The following PASD1 variants were observed in gnomAD, a reference collection of about 807,000 sequenced individuals.
PASD1 encodes circadian clock protein PASD1.
PASD1 carries 13 observed loss-of-function variants against 58.8 expected under a neutral mutation model. The observed-to-expected ratio is 0.22, with a 90% CI of 0.14 to 0.35. PASD1 has a LOEUF of 0.35. Among genes scored for constraint, PASD1 ranks in the 10% least tolerant of loss-of-function variants. The probability of loss-of-function intolerance (pLI) is 1.00; values close to 1 mark genes in which losing one functional copy is unlikely to be tolerated. For missense variants in PASD1, 734 were observed against 568.3 expected (o/e 1.29, Z -2.96); for synonymous variants, 236 against 216.7 (o/e 1.09, Z -0.78).
intron 11 of PASD1, among the ~76,000 whole-genome samples, chrX:151,668,009 C>A (rs2014407751): frequency 9.0e-6 from 1 of 111,079 alleles, no homozygotes; most frequent in Non-Finnish European, 1.9e-5. Flanking sequence ...CTTTCTCATA[C>A]CTGATTGCCC....
chrX:151,621,175 A>G (rs2013703397), intron 5 of PASD1, 146 bp downstream of exon 5: 1 of 410,447 alleles, frequency 2.4e-6, no homozygotes, highest in Non-Finnish European at 4.1e-6. Context: ...TACAAACTCT[A>G]TTTCTAGTGT....
In PASD1 at chrX:151,601,421, G is replaced by A. The variant is rs2013414094; in HGVS notation, c.-27-106G>A. ...TCTTTAAAAGAAGTAGACATTCCTT[G>A]AGGGAAAAGTGTTACACAATTGAGA... On this transcript the variant is annotated intron_variant, in intron 1 of 15. Coordinates refer to ENST00000370357, the MANE Select transcript of PASD1 (RefSeq NM_173493.3). The A allele has an allele frequency of 1.1e-4, 59 of 538,223 alleles. No individual in the cohort carries two copies. The South Asian group carries it at 2.2e-3, about 20-fold the overall frequency. 44.4% of individuals were successfully genotyped at this position (538,223 alleles called of 1,213,427 possible).
chrX:151,621,109 A>G, intron 5 of PASD1, 80 bp downstream of exon 5: 2 of 594,018 alleles, frequency 3.4e-6, no homozygotes, highest in Non-Finnish European at 5.3e-6. Context: ...ATTTCTAAAA[A>G]GATATTAGAG....
At chrX:151,634,744 T>C (rs968124495) in intron 8 of PASD1, among the ~76,000 whole-genome samples, 1 of 111,871 alleles carries the variant, frequency 8.9e-6, no homozygotes, top group Non-Finnish European at 1.9e-5. Flanking sequence ...GTACGACATA[T>C]CAAAAGATAG....
At chrX:151,624,117 A>C (rs1436494168) in intron 7 of PASD1, among the ~76,000 whole-genome samples, 1 of 111,943 alleles carries the variant, frequency 8.9e-6, no homozygotes, top group Non-Finnish European at 1.9e-5. Flanking sequence ...AAGAATACCT[A>C]AGTGAAAGAT....
intron 1 of PASD1, among the ~76,000 whole-genome samples, chrX:151,568,619 CTT>C (rs1318174505): frequency 3.6e-5 from 4 of 111,828 alleles, no homozygotes; most frequent in African/African-American, 6.5e-5. Context: ...CAAGATTTCT[CTT>C]TGTTTTTATT....
rs2014490380 is a variant in PASD1 at position 151,672,443 on chromosome X, G to A, written c.1698G>A (p.Gln566=). 8.3e-7 allele frequency: 1 copy of A among 1,211,932 alleles called. No individual in the cohort carries two copies. The highest frequency in any genetic ancestry group is 1.1e-6 in the Non-Finnish European group (1 of 895,599). ...CAGAGGAGGAGCAGCAGAAGCAGCA[G>A]CTGCAAGAGCAGCCACTGAAGCATA... ...KEPEEEQQKQ[Q]LQEQPLKHNV... The change falls in exon 14 of 16, where the codon CAG becomes CAA. Residue 566 remains glutamine, a synonymous_variant. Transcript: ENST00000370357.
chrX:151,670,179 C>T (rs994012351), intron 11 of PASD1, among the ~76,000 whole-genome samples: 3 of 111,875 alleles, frequency 2.7e-5, no homozygotes, highest in Admixed American at 9.5e-5. Flanking sequence ...CCAAACTCCA[C>T]GCTTCGTTTC....
intron 9 of PASD1, among the ~76,000 whole-genome samples, chrX:151,657,502 G>A (rs55819836): frequency 0.31 from 34,563 of 110,054 alleles, 4,756 homozygotes; most frequent in Middle Eastern, 0.47. Context: ...AGTTTGTTTG[G>A]TTGGTAGGTT....
In PASD1 at chrX:151,674,082, C is replaced by A. The variant is rs763065496; in HGVS notation, c.2071C>A (p.Arg691=). The A allele has an allele frequency of 2.5e-6, 3 of 1,211,750 alleles. No homozygotes were observed. The African/African-American group carries it at 5.2e-5, about 21-fold the overall frequency. The change falls in exon 15 of 16, where the codon CGG becomes AGG. Residue 691 remains arginine, a synonymous_variant. Transcript: ENST00000370357. ...CCTGGAGACCCCACAGGATTACATC[C>A]GGCTTTGGCAAGAGTTGTCTGATTC... ...STLETPQDYI[R]LWQELSDSLG...
intron 3 of PASD1, among the ~76,000 whole-genome samples, chrX:151,605,894 A>G (rs779901748): frequency 2.2e-4 from 25 of 112,006 alleles, no homozygotes; most frequent in Non-Finnish European, 3.9e-4. Context: ...CTCTCTCTCA[A>G]TTTTATTAGA....
intron 1 of PASD1, among the ~76,000 whole-genome samples, chrX:151,573,104 G>A (rs1449724797): frequency 1.4e-5 from 1 of 71,788 alleles, no homozygotes; most frequent in Non-Finnish European, 2.6e-5. Flanking sequence ...TGGGGGTGGG[G>A]GCTGGGGGTG....
intron 1 of PASD1, among the ~76,000 whole-genome samples, chrX:151,567,866 C>A (rs1183308335): frequency 1.8e-5 from 2 of 111,304 alleles, no homozygotes; most frequent in East Asian, 2.8e-4. Context: ...GGACCACAGG[C>A]ATATGTCACT....
At chrX:151,671,266 G>A (rs1240430266) in intron 12 of PASD1, 70 bp downstream of exon 12, 2 of 1,126,589 alleles carry the variant, frequency 1.8e-6, no homozygotes, top group African/African-American at 3.6e-5. Context: ...GAGGAGAGAG[G>A]GACCTTGGCA....
intron 11 of PASD1, among the ~76,000 whole-genome samples, chrX:151,667,585 A>T (rs1177081715): frequency 2.7e-5 from 3 of 112,264 alleles, no homozygotes; most frequent in Non-Finnish European, 5.6e-5. Context: ...ATCCAGTTTC[A>T]GCTTTCTACA....
At chrX:151,667,196 T>A (rs1390778303) in intron 11 of PASD1, among the ~76,000 whole-genome samples, 3 of 112,339 alleles carry the variant, frequency 2.7e-5, no homozygotes, top group Non-Finnish European at 3.7e-5. Flanking sequence ...TTGAGAAGTG[T>A]CTGTTCATAT....
intron 9 of PASD1, among the ~76,000 whole-genome samples, chrX:151,655,122 T>C (rs1426835320): frequency 1.8e-5 from 2 of 111,580 alleles, no homozygotes; most frequent in African/African-American, 6.5e-5. Flanking sequence ...TTTGTCCTTG[T>C]GATAGTTTGC....
At position 151,565,296 on chromosome X, in the gene PASD1, G is replaced by A. The variant is rs947572663; in HGVS notation, c.-28+1457G>A. On this transcript the variant is annotated intron_variant, in intron 1 of 15. Transcript: ENST00000370357. ...TAAAGAGAATGGGCAGAAAGCATTG[G>A]ACTCATGACTTTGAAAGTATTCAGG... Among the ~76,000 whole-genome samples the A allele has an allele frequency of 2.7e-5, 3 of 112,162 alleles. No homozygotes were observed. The Admixed American group carries it at 2.8e-4, about 11-fold the overall frequency.
intron 8 of PASD1, among the ~76,000 whole-genome samples, chrX:151,639,182 C>A (rs2013968370): frequency 8.9e-6 from 1 of 112,566 alleles, no homozygotes; most frequent in Non-Finnish European, 1.9e-5. Flanking sequence ...GTGTCCTCAA[C>A]CTGAAATATT....
Sources: allele counts gnomAD v4.1 joint callset (sites outside exome capture counted in the v4.1 genomes callset), GRCh38; gene constraint gnomAD v4.1.1; transcripts MANE v1.5; gene names NCBI Gene and HGNC (gene_info 2026-07-23, HGNC 2026-07-21).